Variants in HIF1A observed in about 807,000 individuals in gnomAD.
HIF1A encodes the protein hypoxia-inducible factor 1-alpha.
HIF1A carries 24 observed loss-of-function variants against 92.7 expected under a neutral mutation model. The observed-to-expected ratio is 0.26, with a 90% confidence interval of 0.19 to 0.36. HIF1A has a LOEUF of 0.36. Ranked by LOEUF, HIF1A falls within the 10% of genes least tolerant of loss-of-function variation. The probability of loss-of-function intolerance (pLI) is 1.00; values close to 1 mark genes in which losing one functional copy is unlikely to be tolerated. For synonymous variants in HIF1A, 319 were observed against 338.7 expected (o/e 0.94, Z 0.64); for missense variants, 799 against 998.5 (o/e 0.80, Z 2.69).
chr14:61,740,716 G>A, intron 11 of HIF1A, 39 bp from the exon 12 acceptor site: 1 of 1,565,632 alleles, frequency 6.4e-7, no homozygotes, highest in Non-Finnish European at 8.7e-7. Flanking sequence ...TTTATAAGGT[G>A]TGGCCATTGT....
At chr14:61,706,675 T>G (rs2044242311) in intron 1 of HIF1A, among the ~76,000 whole-genome samples, 1 of 152,260 alleles carries the variant, frequency 6.6e-6, no homozygotes, top group East Asian at 1.9e-4. Flanking sequence ...GAGTGTCTAG[T>G]TGCTCTATGG....
chr14:61,708,129 C>T (rs1326932890), intron 1 of HIF1A, among the ~76,000 whole-genome samples: 1 of 152,188 alleles, frequency 6.6e-6, no homozygotes, highest in African/African-American at 2.4e-5. Flanking sequence ...CTGTTCATAT[C>T]GTTTGCCCAC....
Position 61,748,023 on chromosome 14 carries a change from A to G in HIF1A, c.*938A>G, listed in dbSNP as rs534696980. ...TTGCCTAGTATGTTAATTTGCTCAA[A>G]ATACAATGTTTGATTTTATGCACTT... On this transcript the variant is annotated 3_prime_UTR_variant, in exon 15 of 15. Coordinates refer to ENST00000337138, the MANE Select transcript of HIF1A (RefSeq NM_001530.4). 3.3e-5 allele frequency: 5 copies of G among 152,706 alleles called. No homozygotes were observed. The highest frequency in any genetic ancestry group is 1.2e-4 in the African/African-American group (5 of 41,584). The allele number at this position is 152,706 out of a possible 1,614,324, so 9.5% of individuals were successfully genotyped here.
At chr14:61,704,661 G>A (rs1444842344) in intron 1 of HIF1A, among the ~76,000 whole-genome samples, 1 of 152,134 alleles carries the variant, frequency 6.6e-6, no homozygotes, top group East Asian at 1.9e-4. Flanking sequence ...TGGATGAAGG[G>A]ATATTTTCTT....
rs988964145 is a variant in HIF1A at position 61,741,295 on chromosome 14, C to A, written c.2093+107C>A. 3.0e-5 allele frequency: 20 copies of A among 672,334 alleles called. No individual in the cohort carries two copies. In the African/African-American group the frequency reaches 3.1e-4, roughly 10 times the overall value. The allele number at this position is 672,334 out of a possible 1,614,324, so 41.6% of individuals were successfully genotyped here. On this transcript the variant is annotated intron_variant, in intron 12 of 14. Transcript: ENST00000337138. ...TATAGCAAACTTTCTGATATATATG[C>A]CCTAACGCAAATTCTTGAGAACTCA...
chr14:61,733,119 A>G (rs905326451), intron 7 of HIF1A, among the ~76,000 whole-genome samples: 1 of 151,720 alleles, frequency 6.6e-6, no homozygotes, highest in African/African-American at 2.4e-5. Flanking sequence ...ACAGGATCTC[A>G]CTCTCGCCCA....
chr14:61,698,680 G>C (rs2044143213), intron 1 of HIF1A, among the ~76,000 whole-genome samples: 2 of 152,150 alleles, frequency 1.3e-5, no homozygotes, highest in South Asian at 4.1e-4. Flanking sequence ...TCCAGAGCTT[G>C]AAAAGCGTTT....
At chr14:61,696,886 C>T (rs1462396832) in intron 1 of HIF1A, among the ~76,000 whole-genome samples, 1 of 152,128 alleles carries the variant, frequency 6.6e-6, no homozygotes, top group Non-Finnish European at 1.5e-5. Flanking sequence ...TTATAAATCA[C>T]CTTGAAGTTT....
At position 61,732,505 on chromosome 14, in the gene HIF1A, G is replaced by C; in HGVS notation, c.861G>C (p.Leu287=). The part of the protein sequence containing the change: ...EYYHALDSDH[L]TKTHHDMFTK... ...ATCATGCTTTGGACTCTGATCATCT[G>C]ACCAAAACTCATCATGATAGTAAGT... The change falls in exon 7 of 15, where the codon CTG becomes CTC. Residue 287 remains leucine, a synonymous_variant. Coordinates refer to ENST00000337138, the MANE Select transcript of HIF1A (RefSeq NM_001530.4). 1 of 1,599,074 alleles carries C rather than the reference G, an allele frequency of 6.3e-7. No individual in the cohort carries two copies.
At chr14:61,735,535 G>A (rs2044625008) in intron 8 of HIF1A, among the ~76,000 whole-genome samples, 2 of 152,252 alleles carry the variant, frequency 1.3e-5, no homozygotes, top group Admixed American at 1.3e-4. Context: ...TTATCACAGT[G>A]TATTTTAATT....
At chr14:61,740,407 GT>G in intron 10 of HIF1A, 97 bp from the exon 11 acceptor site, 1 of 880,864 alleles carries the variant, frequency 1.1e-6, no homozygotes, top group Non-Finnish European at 1.8e-6. Flanking sequence ...TTGGTTGTGT[GT>G]TTTCTGGTTT....
At chr14:61,714,300 A>G (rs1237322918) in intron 1 of HIF1A, among the ~76,000 whole-genome samples, 1 of 152,236 alleles carries the variant, frequency 6.6e-6, no homozygotes, top group Non-Finnish European at 1.5e-5. Context: ...AAAGAACAGT[A>G]ACTGAATTCT....
At chr14:61,714,889 C>G (rs567186345) in intron 1 of HIF1A, among the ~76,000 whole-genome samples, 77 of 152,224 alleles carry the variant, frequency 5.1e-4, no homozygotes, top group African/African-American at 1.8e-3. Context: ...CAAAAATTAG[C>G]TGGGCGTGGT....
At chr14:61,730,723 A>G (rs2044566536) in intron 6 of HIF1A, among the ~76,000 whole-genome samples, 1 of 152,206 alleles carries the variant, frequency 6.6e-6, no homozygotes, top group Non-Finnish European at 1.5e-5. Context: ...AGTACAGTAC[A>G]TCTACTGGAA....
At chr14:61,708,226 G>A (rs1269389355) in intron 1 of HIF1A, among the ~76,000 whole-genome samples, 4 of 151,812 alleles carry the variant, frequency 2.6e-5, no homozygotes, top group Admixed American at 2.6e-4. Flanking sequence ...TGAGTAGATT[G>A]CAAAAATTTT....
rs749193727 is a variant in HIF1A at position 61,732,432 on chromosome 14, T to C, written c.788T>C (p.Met263Thr). The C allele has an allele frequency of 1.2e-6, 2 of 1,603,856 alleles. No individual in the cohort carries two copies. Among genetic ancestry groups the C allele is most frequent in the South Asian group, 2.2e-5 (2 of 90,610 alleles). ...SYCDERITEL[M>T]GYEPEELLGR... ...TTTACTAACAGAATTACCGAATTGA[T>C]GGGATATGAGCCAGAAGAACTTTTA... The change falls in exon 7 of 15, where the codon ATG (methionine) becomes ACG (threonine). Residue 263 changes from methionine (M) to threonine (T), a missense_variant. By Grantham distance (81) the Met-to-Thr change is moderately conservative (BLOSUM62 -1). Transcript: ENST00000337138.
chr14:61,737,900 G>A (rs771191408), intron 9 of HIF1A, among the ~76,000 whole-genome samples, 187 bp from the exon 10 acceptor site: 9 of 152,074 alleles, frequency 5.9e-5, no homozygotes, highest in Non-Finnish European at 7.3e-5. Context: ...GGTGGTGTGC[G>A]CCTGTAATCC....
chr14:61,709,902 A>G (rs1195239261), intron 1 of HIF1A, among the ~76,000 whole-genome samples: 7 of 152,220 alleles, frequency 4.6e-5, no homozygotes, highest in African/African-American at 1.7e-4. Flanking sequence ...ATGCAGGTAC[A>G]GTGATAGTGT....
At chr14:61,697,376 G>T (rs899627653) in intron 1 of HIF1A, among the ~76,000 whole-genome samples, 1 of 152,140 alleles carries the variant, frequency 6.6e-6, no homozygotes, top group African/African-American at 2.4e-5. Context: ...ACCTAAGGCA[G>T]ATTACCTCTG....
Sources: allele counts gnomAD v4.1 joint callset (sites outside exome capture counted in the v4.1 genomes callset), GRCh38; gene constraint gnomAD v4.1.1; transcripts MANE v1.5; gene names NCBI Gene and HGNC (gene_info 2026-07-23, HGNC 2026-07-21).